MANF: variants seen among roughly 807,000 people sequenced by gnomAD.
MANF encodes mesencephalic astrocyte-derived neurotrophic factor.
A neutral mutation model predicts 19.1 loss-of-function variants in MANF; 9 were observed. The observed-to-expected ratio is 0.47, with a 90% CI of 0.28 to 0.82. The LOEUF is 0.82. Ranked by LOEUF, MANF falls within the 40% of genes least tolerant of loss-of-function variation. The pLI is 0.10. For synonymous variants in MANF, 89 were observed against 88.0 expected, an observed-to-expected ratio of 1.01 and a Z score of -0.06; for missense variants, 225 against 226.7, an observed-to-expected ratio of 0.99 and a Z score of 0.05.
chr3:51,387,751 G>A lies in MANF; in HGVS notation c.237G>A (p.Gly79=), dbSNP rs1553621053. ...GKENRLCYYI[G]ATDDAATKII... is the part of the protein sequence containing the mutation. ...TATTGCTCCAGTGCTACTATATCGG[G>A]GCCACAGATGATGCAGCCACCAAAA... Residue 79 remains glycine, a synonymous_variant, in exon 3 of 4, where the codon GGG becomes GGA. Coordinates refer to ENST00000528157, the MANE Select transcript of MANF (RefSeq NM_006010.6). 2.5e-6 allele frequency: 4 copies of A among 1,611,852 alleles called. No individual in the cohort carries two copies. Among genetic ancestry groups the A allele is most frequent in the Admixed American group, 1.7e-5 (1 of 59,752 alleles).
At chr3:51,386,712 T>C (rs144263784) in intron 2 of MANF, among the ~76,000 whole-genome samples, 21 of 152,220 alleles carry the variant, frequency 1.4e-4, no homozygotes, top group African/African-American at 5.1e-4. Flanking sequence ...TGAAGTGGGG[T>C]AAGACCATCC....
chr3:51,385,445 TA>T lies in MANF; in HGVS notation c.94+10del, dbSNP rs2088936358. On this transcript the variant is annotated intron_variant, in intron 1 of 3. Coordinates refer to ENST00000528157, the MANE Select transcript of MANF (RefSeq NM_006010.6). ...GCCGGGCGACTGCGAAGGTGCGGGA[TA>T]GGGGGCCGGGGGCCGCGCTCCGTGA... 8.3e-7 allele frequency: 1 copy of T among 1,203,312 alleles called. No individual in the cohort carries two copies. The highest frequency in any genetic ancestry group is 1.0e-6 in the Non-Finnish European group (1 of 972,190). 74.5% of individuals were successfully genotyped at this position (1,203,312 alleles called of 1,614,324 possible).
At chr3:51,388,874 A>G (rs1465278995) in intron 3 of MANF, 31 bp from the exon 4 acceptor site, 3 of 1,513,934 alleles carry the variant, frequency 2.0e-6, no homozygotes, top group East Asian at 5.0e-5. Context: ...TGCTCCACCC[A>G]GTCAGTGACT....
In MANF at chr3:51,385,390, G is replaced by A. The variant is rs996510450; in HGVS notation, c.48G>A (p.Leu16=). Residue 16 remains leucine, a synonymous_variant, in exon 1 of 4, where the codon CTG becomes CTA. Transcript: ENST00000528157. ...ATQGLAVALA[L]SVLPGSRALR... ...AGGGGCTGGCGGTGGCGCTGGCTCT[G>A]AGCGTGCTGCCGGGCAGCCGGGCGC... is the stretch of plus-strand genomic sequence containing the variant. The A allele has an allele frequency of 1.4e-5, 17 of 1,238,672 alleles. No homozygotes were observed. The African/African-American group carries it at 2.2e-4, about 16-fold the overall frequency. The allele number at this position is 1,238,672 out of a possible 1,614,324, so 76.7% of individuals were successfully genotyped here.
intron 1 of MANF, 141 bp from the exon 2 acceptor site, chr3:51,386,067 C>A: frequency 1.1e-6 from 1 of 913,906 alleles, no homozygotes; most frequent in Non-Finnish European, 1.6e-6. Flanking sequence ...CTGTAGACAC[C>A]TGAGAAAAAT....
chr3:51,388,854 G>T, intron 3 of MANF, 51 bp from the exon 4 acceptor site: 1 of 1,371,736 alleles, frequency 7.3e-7, no homozygotes, highest in Non-Finnish European at 9.9e-7. Flanking sequence ...GACTACTGGG[G>T]GACTGCAGGT....
At position 51,385,425 on chromosome 3, in the gene MANF, G is replaced by T; in HGVS notation, c.83G>T (p.Gly28Val). Residue 28 changes from glycine (G) to valine (V), a missense_variant, in exon 1 of 4, where the codon GGC becomes GTC. Coordinates refer to ENST00000528157, the MANE Select transcript of MANF (RefSeq NM_006010.6). ...CCGGGCAGCCGGGCGCTGCGGCCGG[G>T]CGACTGCGAAGGTGCGGGATAGGGG... ...VLPGSRALRP[G>V]DCEVCISYLG... The T allele has an allele frequency of 8.1e-7, 1 of 1,236,138 alleles. No individual in the cohort carries two copies. The allele number at this position is 1,236,138 out of a possible 1,614,324, so 76.6% of individuals were successfully genotyped here.
chr3:51,386,374 A>G, intron 2 of MANF, 39 bp downstream of exon 2: 1 of 1,609,858 alleles, frequency 6.2e-7, no homozygotes, highest in Non-Finnish European at 8.5e-7. Context: ...GCCCTGGCTC[A>G]TGTTAACCCT....
chr3:51,385,447 G>A lies in MANF; in HGVS notation c.94+11G>A. 8.2e-7 allele frequency: 1 copy of A among 1,225,988 alleles called. No homozygotes were observed. The highest frequency in any genetic ancestry group is 4.1e-5 in the South Asian group (1 of 24,412). 75.9% of individuals were successfully genotyped at this position (1,225,988 alleles called of 1,614,324 possible). On this transcript the variant is annotated intron_variant, in intron 1 of 3. Coordinates refer to ENST00000528157, the MANE Select transcript of MANF (RefSeq NM_006010.6). The stretch of plus-strand genomic sequence containing the variant: ...CGGGCGACTGCGAAGGTGCGGGATA[G>A]GGGGCCGGGGGCCGCGCTCCGTGAC...
intron 1 of MANF, chr3:51,385,978 G>A: frequency 1.8e-6 from 1 of 556,708 alleles, no homozygotes; most frequent in Non-Finnish European, 3.2e-6. Context: ...TCGTTTATAG[G>A]TCATTGGGTG....
chr3:51,387,418 C>T (rs533607369), intron 2 of MANF, among the ~76,000 whole-genome samples: 21 of 151,708 alleles, frequency 1.4e-4, no homozygotes, highest in Non-Finnish European at 2.5e-4. Flanking sequence ...GCCAAGATTG[C>T]GCCACTGCAC....
intron 3 of MANF, 56 bp from the exon 4 acceptor site, chr3:51,388,849 C>G: frequency 1.5e-6 from 2 of 1,355,542 alleles, no homozygotes; most frequent in Admixed American, 2.4e-5. Flanking sequence ...TCTGGGACTA[C>G]TGGGGGACTG....
Position 51,389,375 on chromosome 3 carries a change from G to T in MANF, c.*286G>T, listed in dbSNP as rs2088999648. 5.8e-6 allele frequency: 2 copies of T among 345,706 alleles called. No individual in the cohort carries two copies. The highest frequency in any genetic ancestry group is 4.3e-5 in the South Asian group (1 of 23,348). The allele number at this position is 345,706 out of a possible 1,614,324, so 21.4% of individuals were successfully genotyped here. ...AGAATTATAGTGAATACCAAAATGGGGTTTTGCCCCAGGAGGCTCCTACCA... is the reference window on the plus strand; with the variant it reads ...AGAATTATAGTGAATACCAAAATGGTGTTTTGCCCCAGGAGGCTCCTACCA... On this transcript the variant is annotated 3_prime_UTR_variant, in exon 4 of 4. Coordinates refer to ENST00000528157, the MANE Select transcript of MANF (RefSeq NM_006010.6).
intron 3 of MANF, among the ~76,000 whole-genome samples, chr3:51,388,242 T>C (rs1345746837): frequency 2.0e-5 from 3 of 152,166 alleles, no homozygotes; most frequent in Non-Finnish European, 2.9e-5. Context: ...AGAAGGGACA[T>C]AGTACGACTT....
In MANF at chr3:51,386,203, TC is replaced by T. The variant is rs1281998843; in HGVS notation, c.95-3del. The T allele has an allele frequency of 2.5e-6, 4 of 1,613,160 alleles. No individual in the cohort carries two copies. The highest frequency in any genetic ancestry group is 3.4e-6 in the Non-Finnish European group (4 of 1,179,510). On this transcript the variant is annotated splice_region_variant and splice_polypyrimidine_tract_variant and intron_variant, in intron 1 of 3. Coordinates refer to ENST00000528157, the MANE Select transcript of MANF (RefSeq NM_006010.6). ...CTGAGCATCTCCCGTCCCTCTCTTT[TC>T]CAGTTTGTATTTCTTATCTGGGAAG...
In MANF at chr3:51,386,296, A is replaced by G. The variant is rs782461932; in HGVS notation, c.183A>G (p.Ile61Met). The G allele has an allele frequency of 5.0e-6, 8 of 1,613,964 alleles. No individual in the cohort carries two copies. The highest frequency in any genetic ancestry group is 3.3e-5 in the South Asian group (3 of 91,086). ...FSPATIENEL[I>M]KFCREARGKE... Reference sequence around the variant, plus strand: ...CAGCCACTATTGAAAACGAACTTATAAAGTTCTGCCGGGAAGCAAGAGGCA... The same window carrying G: ...CAGCCACTATTGAAAACGAACTTATGAAGTTCTGCCGGGAAGCAAGAGGCA... Residue 61 changes from isoleucine to methionine, a missense_variant, in exon 2 of 4, where the codon ATA (isoleucine) becomes ATG (methionine). Transcript: ENST00000528157.
chr3:51,385,507 C>A, intron 1 of MANF, 71 bp downstream of exon 1: 1 of 898,430 alleles, frequency 1.1e-6, no homozygotes, highest in Non-Finnish European at 1.5e-6. Context: ...CACAACATCA[C>A]CAGACGGCCG....
chr3:51,387,728 T>C lies in MANF; in HGVS notation c.223-9T>C. 1 of 1,609,960 alleles carries C rather than the reference T, an allele frequency of 6.2e-7. No homozygotes were observed. Among genetic ancestry groups the C allele is most frequent in the Non-Finnish European group, 8.5e-7 (1 of 1,177,832 alleles). On this transcript the variant is annotated splice_polypyrimidine_tract_variant and intron_variant, in intron 2 of 3. Coordinates refer to ENST00000528157, the MANE Select transcript of MANF (RefSeq NM_006010.6). Reference sequence around the variant, plus strand: ...ACCTCCTGAAGGCCATTGTCCTTTATTGCTCCAGTGCTACTATATCGGGGC... The same window carrying C: ...ACCTCCTGAAGGCCATTGTCCTTTACTGCTCCAGTGCTACTATATCGGGGC...
chr3:51,385,423 G>C lies in MANF; in HGVS notation c.81G>C (p.Pro27=), dbSNP rs1424250223. Residue 27 remains proline, a synonymous_variant, in exon 1 of 4, where the codon CCG becomes CCC. Transcript: ENST00000528157. ...TGCCGGGCAGCCGGGCGCTGCGGCC[G>C]GGCGACTGCGAAGGTGCGGGATAGG... ...SVLPGSRALR[P]GDCEVCISYL... 5 of 1,236,130 alleles carry C rather than the reference G, an allele frequency of 4.0e-6. No homozygotes were observed. The highest frequency in any genetic ancestry group is 5.1e-6 in the Non-Finnish European group (5 of 989,170). 76.6% of individuals were successfully genotyped at this position (1,236,130 alleles called of 1,614,324 possible).
Sources: allele counts gnomAD v4.1 joint callset (sites outside exome capture counted in the v4.1 genomes callset), GRCh38; gene constraint gnomAD v4.1.1; transcripts MANE v1.5; gene names NCBI Gene and HGNC (gene_info 2026-07-23, HGNC 2026-07-21).